Variants in TPD52L1 observed in about 807,000 individuals in gnomAD.
The protein encoded by TPD52L1 is tumor protein D53.
Under a neutral mutation model 28.7 loss-of-function variants are expected in TPD52L1, and 18 were observed. The ratio of observed to expected loss-of-function variants is 0.63; its 90% CI spans 0.43 to 0.93. The LOEUF is 0.93. Among genes scored for constraint, TPD52L1 ranks in the 40% least tolerant of loss-of-function variants. The pLI, the probability that TPD52L1 is intolerant of heterozygous loss-of-function variation, is 0.00. For synonymous variants in TPD52L1, 75 were observed against 88.8 expected, an observed-to-expected ratio of 0.84 and a Z score of 0.88; for missense variants, 203 against 254.8, an observed-to-expected ratio of 0.80 and a Z score of 1.39.
chr6:125,183,807 G>A (rs1792390829), intron 1 of TPD52L1, among the ~76,000 whole-genome samples: 1 of 152,160 alleles, frequency 6.6e-6, no homozygotes, highest in South Asian at 2.1e-4. Flanking sequence ...ACACTGAAAT[G>A]TTGGATAAAC....
intron 1 of TPD52L1, among the ~76,000 whole-genome samples, chr6:125,212,102 G>A (rs1794561266): frequency 6.6e-6 from 1 of 152,080 alleles, no homozygotes. Context: ...GAAGTTTTAT[G>A]TTAAGGAATG....
chr6:125,191,579 C>A (rs1003016381), intron 1 of TPD52L1, among the ~76,000 whole-genome samples: 1 of 152,188 alleles, frequency 6.6e-6, no homozygotes, highest in Non-Finnish European at 1.5e-5. Context: ...GCAAGAACGG[C>A]AGTGTTTTCT....
intron 1 of TPD52L1, among the ~76,000 whole-genome samples, chr6:125,206,983 A>G (rs1182970483): frequency 1.3e-5 from 2 of 152,320 alleles, no homozygotes; most frequent in African/African-American, 4.8e-5. Flanking sequence ...CAATGCATCA[A>G]GAACATTAAC....
At chr6:125,159,262 A>G (rs1329589003) in intron 1 of TPD52L1, among the ~76,000 whole-genome samples, 1 of 152,228 alleles carries the variant, frequency 6.6e-6, no homozygotes, top group African/African-American at 2.4e-5. Flanking sequence ...GACTAAATTT[A>G]TATAATTCTA....
intron 2 of TPD52L1, among the ~76,000 whole-genome samples, chr6:125,227,078 A>G (rs910362087): frequency 1.3e-5 from 2 of 152,198 alleles, no homozygotes; most frequent in Admixed American, 1.3e-4. Context: ...TTTGTAGAAT[A>G]TGTAATTCAC....
At chr6:125,235,358 T>C (rs1190205240) in intron 3 of TPD52L1, among the ~76,000 whole-genome samples, 2 of 151,952 alleles carry the variant, frequency 1.3e-5, no homozygotes, top group African/African-American at 2.4e-5. Flanking sequence ...GGAAGGAGAA[T>C]TGTCTTGGGC....
At chr6:125,170,767 C>A (rs540956788) in intron 1 of TPD52L1, among the ~76,000 whole-genome samples, 1 of 152,126 alleles carries the variant, frequency 6.6e-6, no homozygotes, top group East Asian at 1.9e-4. Flanking sequence ...TTATTTCTAA[C>A]ACCTGTTCAG....
chr6:125,179,609 T>C (rs982045230), intron 1 of TPD52L1, among the ~76,000 whole-genome samples: 1 of 152,224 alleles, frequency 6.6e-6, no homozygotes, highest in Non-Finnish European at 1.5e-5. Flanking sequence ...ATATGAGCGG[T>C]ACCACTGTTT....
chr6:125,257,327 A>G (rs1390316757), intron 6 of TPD52L1, 169 bp downstream of exon 6: 1 of 561,784 alleles, frequency 1.8e-6, no homozygotes, highest in East Asian at 2.9e-5. Flanking sequence ...GAATAGTGTT[A>G]CTATATCCTT....
chr6:125,204,518 C>T (rs547206916), intron 1 of TPD52L1, among the ~76,000 whole-genome samples: 3 of 151,868 alleles, frequency 2.0e-5, no homozygotes, highest in South Asian at 4.2e-4. Context: ...CTCACTCTGT[C>T]GCCCAGGCTG....
At chr6:125,191,059 C>T (rs981517076) in intron 1 of TPD52L1, among the ~76,000 whole-genome samples, 2 of 152,164 alleles carry the variant, frequency 1.3e-5, no homozygotes, top group East Asian at 1.9e-4. Flanking sequence ...ATTTGTATAT[C>T]GTGTAACATT....
Position 125,247,185 on chromosome 6 carries a change from T to C in TPD52L1, c.285-1097T>C, listed in dbSNP as rs577803110. Among the ~76,000 whole-genome samples the C allele has an allele frequency of 2.3e-4, 35 of 152,216 alleles. No individual in the cohort carries two copies. In the East Asian group the frequency reaches 4.3e-3, roughly 19 times the overall value. On this transcript the variant is annotated intron_variant, in intron 3 of 6. Coordinates refer to ENST00000534000, the MANE Select transcript of TPD52L1 (RefSeq NM_003287.4). ...ATAGGGTATAATGTTTTCTTACAGA[T>C]ACCATATGCATGCAAGTATAACAGG...
At chr6:125,162,371 G>A (rs944406129) in intron 1 of TPD52L1, among the ~76,000 whole-genome samples, 2 of 152,114 alleles carry the variant, frequency 1.3e-5, no homozygotes, top group Admixed American at 6.5e-5. Flanking sequence ...AATTATCTGG[G>A]TAGGCAGAAT....
chr6:125,214,030 C>A (rs187504775), intron 1 of TPD52L1, among the ~76,000 whole-genome samples: 2 of 152,130 alleles, frequency 1.3e-5, no homozygotes, highest in African/African-American at 2.4e-5. Context: ...TGGAACCAGA[C>A]GATGGCTGAG....
intron 1 of TPD52L1, among the ~76,000 whole-genome samples, chr6:125,172,969 T>C (rs1372494369): frequency 6.6e-6 from 1 of 151,850 alleles, no homozygotes; most frequent in Non-Finnish European, 1.5e-5. Context: ...AACAAAGGAG[T>C]AAGCAAATGA....
At chr6:125,186,055 G>A (rs935218368) in intron 1 of TPD52L1, among the ~76,000 whole-genome samples, 6 of 151,796 alleles carry the variant, frequency 4.0e-5, no homozygotes, top group Non-Finnish European at 7.4e-5. Flanking sequence ...CACCACGCCC[G>A]GCTAATTTTT....
chr6:125,258,845 A>T (rs1797752460), intron 6 of TPD52L1, among the ~76,000 whole-genome samples: 2 of 152,132 alleles, frequency 1.3e-5, no homozygotes, highest in Admixed American at 6.6e-5. Context: ...ATGACTGTTC[A>T]TGGTTTAACA....
intron 1 of TPD52L1, among the ~76,000 whole-genome samples, chr6:125,188,640 C>T (rs1417792693): frequency 6.6e-6 from 1 of 152,162 alleles, no homozygotes; most frequent in South Asian, 2.1e-4. Context: ...ACAATTCCTA[C>T]TCTCTTCTAG....
At chr6:125,201,274 T>C (rs1793785169) in intron 1 of TPD52L1, among the ~76,000 whole-genome samples, 1 of 152,246 alleles carries the variant, frequency 6.6e-6, no homozygotes, top group South Asian at 2.1e-4. Flanking sequence ...TATAACCATA[T>C]GTGACTCAGA....
Sources: allele counts gnomAD v4.1 joint callset (sites outside exome capture counted in the v4.1 genomes callset), GRCh38; gene constraint gnomAD v4.1.1; transcripts MANE v1.5; gene names NCBI Gene and HGNC (gene_info 2026-07-23, HGNC 2026-07-21).